PIEZO1: variants seen among roughly 807,000 people sequenced by gnomAD.
PIEZO1 encodes piezo type mechanosensitive ion channel component 1 (Er blood group), also known as piezo-type mechanosensitive ion channel component 1.
Under a neutral mutation model 297.2 loss-of-function variants are expected in PIEZO1, and 296 were observed. The ratio of observed to expected loss-of-function variants is 1.00; its 90% CI spans 0.91 to 1.10. The LOEUF is 1.10. PIEZO1 is among the 50% of genes least tolerant of loss of function. PIEZO1 has a pLI of 0.00. For missense variants in PIEZO1, 5,018 were observed against 3,455.5 expected (o/e 1.45, Z -11.34); for synonymous variants, 2,427 against 1,507.5 (o/e 1.61, Z -14.13).
In PIEZO1 at chr16:88,719,863, G is replaced by C. The variant is rs745674960; in HGVS notation, c.6262C>G (p.Arg2088Gly). Residue 2088 changes from arginine to glycine, a missense_variant, in exon 43 of 51, where the codon CGC becomes GGC. By Grantham distance (125) the Arg-to-Gly change is moderately radical. Coordinates refer to ENST00000301015, the MANE Select transcript of PIEZO1 (RefSeq NM_001142864.4). ...TTGGTGAGGAAGTTGCCGAGGATGC[G>C]GGTGGGGTAGCCGCAGCGGATCTGG... ...AYQIRCGYPT[R>G]ILGNFLTKKY... 6.4e-7 allele frequency: 1 copy of C among 1,550,556 alleles called. No individual in the cohort carries two copies. The highest frequency in any genetic ancestry group is 8.7e-7 in the Non-Finnish European group (1 of 1,146,950).
chr16:88,773,221 G>A (rs899378407), intron 1 of PIEZO1, among the ~76,000 whole-genome samples: 1 of 152,242 alleles, frequency 6.6e-6, no homozygotes, highest in East Asian at 1.9e-4. Flanking sequence ...CCGGCGTCAC[G>A]CCCAGGCCCT....
chr16:88,780,976 G>T (rs1428294834), intron 1 of PIEZO1, among the ~76,000 whole-genome samples: 3 of 152,160 alleles, frequency 2.0e-5, no homozygotes, highest in Admixed American at 2.0e-4. Context: ...AGAGAAAAAA[G>T]CCTAACTGTC....
Position 88,720,092 on chromosome 16 carries a change from G to A in PIEZO1, c.6141C>T (p.Phe2047=), listed in dbSNP as rs1457911792. The A allele has an allele frequency of 3.2e-6, 5 of 1,550,252 alleles. No homozygotes were observed. In the African/African-American group the frequency reaches 4.1e-5, roughly 13 times the overall value. The change falls in exon 42 of 51, where the codon TTC becomes TTT. Residue 2047 remains phenylalanine, a synonymous_variant. Coordinates refer to ENST00000301015, the MANE Select transcript of PIEZO1 (RefSeq NM_001142864.4). The part of the protein sequence containing the change: ...LVLAIHLWMF[F]ILPAVTERMF... ...ACCTCTCAGTGACGGCGGGCAGGAT[G>A]AAGAACATCCATAGGTGGATGGCCA...
rs548559293 is a variant in PIEZO1 at position 88,746,720 on chromosome 16, G to T, written c.160+2664C>A. Among the ~76,000 whole-genome samples, 7 of 152,346 alleles carry T rather than the reference G, an allele frequency of 4.6e-5. No individual in the cohort carries two copies. The South Asian group carries it at 1.4e-3, about 32-fold the overall frequency. ...GGGCCTCTGACGAGGCTCAGGCAGG[G>T]AAGTCCTCCCGGGTCCTCTCCAAAT... On this transcript the variant is annotated intron_variant, in intron 2 of 50. Coordinates refer to ENST00000301015, the MANE Select transcript of PIEZO1 (RefSeq NM_001142864.4).
chr16:88,749,324 C>T (rs972064792), intron 2 of PIEZO1, 60 bp downstream of exon 2: 130 of 1,152,656 alleles, frequency 1.1e-4, no homozygotes, highest in Admixed American at 1.7e-4. Context: ...GAATTTTGGC[C>T]CCAAACGAAT....
intron 12 of PIEZO1, 33 bp from the exon 13 acceptor site, chr16:88,735,279 G>A (rs1384283175): frequency 2.0e-6 from 3 of 1,469,196 alleles, no homozygotes; most frequent in Non-Finnish European, 1.9e-6. Flanking sequence ...CAGTCAGCCG[G>A]GGGGCCCAGC....
Position 88,722,912 on chromosome 16 carries a change from C to A in PIEZO1, c.4593G>T (p.Glu1531Asp), listed in dbSNP as rs1445955496. 6.5e-7 allele frequency: 1 copy of A among 1,549,398 alleles called. No individual in the cohort carries two copies. The highest frequency in any genetic ancestry group is 8.7e-7 in the Non-Finnish European group (1 of 1,146,796). ...TCATGGTGCCGTGGTGCCGGGTGAACTCCTGCAGCCAGCGTGTCAGCTCAT... is the reference window on the plus strand; with the variant it reads ...TCATGGTGCCGTGGTGCCGGGTGAAATCCTGCAGCCAGCGTGTCAGCTCAT... ...LVDELTRWLQ[E>D]FTRHHGTMSD... The change falls in exon 34 of 51, where the codon GAG becomes GAT. Residue 1531 changes from glutamate to aspartate, a missense_variant. Glu to Asp is a conservative substitution (Grantham distance 45, BLOSUM62 2). Transcript: ENST00000301015.
In PIEZO1 at chr16:88,733,349, T is replaced by A; in HGVS notation, c.2593A>T (p.Ile865Phe). Residue 865 changes from isoleucine (I) to phenylalanine (F), a missense_variant, in exon 19 of 51, where the codon ATC becomes TTC. Coordinates refer to ENST00000301015, the MANE Select transcript of PIEZO1 (RefSeq NM_001142864.4). ...TGGTACAGCATCTTACACACGATGA[T>A]GACGCAGGTCCACACGGTGGACAGG... ...SCLSTVWTCV[I>F]IVCKMLYQLK... 1 of 1,550,216 alleles carries A rather than the reference T, an allele frequency of 6.5e-7. No individual in the cohort carries two copies. Among genetic ancestry groups the A allele is most frequent in the Non-Finnish European group, 8.7e-7 (1 of 1,146,840 alleles).
Position 88,754,041 on chromosome 16 carries a change from G to C in PIEZO1, c.65-4562C>G, listed in dbSNP as rs369761066. Among the ~76,000 whole-genome samples the C allele has an allele frequency of 5.1e-4, 78 of 152,320 alleles. 2 individuals carry two copies. The highest frequency in any genetic ancestry group is 3.7e-3 in the East Asian group (19 of 5,178). On this transcript the variant is annotated intron_variant, in intron 1 of 50. Coordinates refer to ENST00000301015, the MANE Select transcript of PIEZO1 (RefSeq NM_001142864.4). ...CCCCGTGGGGGTAATGCCTTTTCCT[G>C]AGTCAGCTGCAATGGGATGGGGTCA...
Position 88,720,241 on chromosome 16 carries a change from C to G in PIEZO1, c.5992G>C (p.Asp1998His). 2 of 1,550,526 alleles carry G rather than the reference C, an allele frequency of 1.3e-6. No individual in the cohort carries two copies. Among genetic ancestry groups the G allele is most frequent in the Non-Finnish European group, 1.7e-6 (2 of 1,146,980 alleles). ...ACCAGGAAAGCCTCGGGTACCTGGT[C>G]GTCTGATAGGGAGGACGTGATGTCT... ...ATDITSSLSD[D>H]QVPEAFLVML... is the part of the protein sequence containing the mutation. Residue 1998 changes from aspartate to histidine, a missense_variant, in exon 42 of 51, where the codon GAC becomes CAC. By Grantham distance (81) the Asp-to-His change is moderately conservative. Coordinates refer to ENST00000301015, the MANE Select transcript of PIEZO1 (RefSeq NM_001142864.4).
intron 22 of PIEZO1, among the ~76,000 whole-genome samples, chr16:88,728,137 G>A (rs542078842): frequency 6.6e-6 from 1 of 152,360 alleles, no homozygotes; most frequent in African/African-American, 2.4e-5. Context: ...AGTGAAAGAA[G>A]CCAGACCTAA....
At chr16:88,746,835 G>C (rs1906084590) in intron 2 of PIEZO1, among the ~76,000 whole-genome samples, 2 of 152,228 alleles carry the variant, frequency 1.3e-5, no homozygotes, top group African/African-American at 4.8e-5. Flanking sequence ...TGCGCCCTGG[G>C]CATGAAATAT....
At chr16:88,732,261 C>T in intron 21 of PIEZO1, 74 bp downstream of exon 21, 2 of 1,331,592 alleles carry the variant, frequency 1.5e-6, no homozygotes, top group South Asian at 1.3e-5. Flanking sequence ...GCTTGCGGTG[C>T]CTGCACGGTG....
At chr16:88,778,541 G>C (rs1437307455) in intron 1 of PIEZO1, among the ~76,000 whole-genome samples, 1 of 152,220 alleles carries the variant, frequency 6.6e-6, no homozygotes, top group African/African-American at 2.4e-5. Context: ...GACAACGGCG[G>C]GGAATCGGGT....
intron 22 of PIEZO1, among the ~76,000 whole-genome samples, chr16:88,728,050 C>T (rs1022339631): frequency 6.6e-6 from 1 of 152,268 alleles, no homozygotes. Context: ...GCAGCAACCA[C>T]AGCTGGGAAC....
intron 2 of PIEZO1, among the ~76,000 whole-genome samples, chr16:88,746,053 T>C (rs1022363703): frequency 6.7e-6 from 1 of 150,306 alleles, no homozygotes; most frequent in Admixed American, 6.6e-5. Flanking sequence ...GGGGTGTGCA[T>C]GGGAGCCCCC....
chr16:88,731,591 G>A (rs1904811641), intron 22 of PIEZO1, 115 bp downstream of exon 22: 5 of 739,352 alleles, frequency 6.8e-6, no homozygotes, highest in Non-Finnish European at 9.1e-6. Context: ...GGGACTGGAG[G>A]AGGCCAAGGC....
rs73264802 is a variant in PIEZO1 at position 88,732,217 on chromosome 16, C to T, written c.2991+118G>A. 8,827 of 848,706 alleles carry T rather than the reference C, an allele frequency of 0.01. 467 individuals carry two copies. In the African/African-American group the frequency reaches 0.13, roughly 12 times the overall value. 52.6% of individuals were successfully genotyped at this position (848,706 alleles called of 1,614,324 possible). The stretch of plus-strand genomic sequence containing the variant: ...CCGTGCCTGGCCCTGAGTCCCCCAC[C>T]CTCTGTGGCCCAGGCAAACCCAGGT... On this transcript the variant is annotated intron_variant, in intron 21 of 50. Coordinates refer to ENST00000301015, the MANE Select transcript of PIEZO1 (RefSeq NM_001142864.4).
At chr16:88,753,864 G>A (rs974610980) in intron 1 of PIEZO1, among the ~76,000 whole-genome samples, 6 of 152,206 alleles carry the variant, frequency 3.9e-5, no homozygotes, top group Non-Finnish European at 8.8e-5. Flanking sequence ...AGGGCAGGTC[G>A]GAAGCTTCGC....
Sources: allele counts gnomAD v4.1 joint callset (sites outside exome capture counted in the v4.1 genomes callset), GRCh38; gene constraint gnomAD v4.1.1; transcripts MANE v1.5; gene names NCBI Gene and HGNC (gene_info 2026-07-23, HGNC 2026-07-21).